The following NARF variants were observed in gnomAD, a reference collection of about 807,000 sequenced individuals.
NARF encodes the protein nuclear prelamin A recognition factor.
NARF carries 41 observed loss-of-function variants against 48.0 expected under a neutral mutation model. The ratio of observed to expected loss-of-function variants is 0.85; its 90% confidence interval spans 0.66 to 1.11. The LOEUF (loss-of-function observed/expected upper bound fraction) is 1.11. Ranked by LOEUF, NARF falls within the 50% of genes least tolerant of loss-of-function variation. The pLI, the probability that NARF is intolerant of heterozygous loss-of-function variation, is 0.00. For synonymous variants in NARF, 215 were observed against 225.5 expected (o/e 0.95, Z 0.42); for missense variants, 613 against 590.2 (o/e 1.04, Z -0.40).
chr17:82,464,952 G>C (rs912683225), intron 3 of NARF, among the ~76,000 whole-genome samples: 7 of 152,186 alleles, frequency 4.6e-5, no homozygotes, highest in African/African-American at 1.7e-4. Context: ...GGTTGTATTA[G>C]TCCATTCTCA....
chr17:82,484,609 G>A (rs911972571), intron 8 of NARF: 5 of 506,784 alleles, frequency 9.9e-6, no homozygotes, highest in East Asian at 7.1e-5. Context: ...AGAGTCCTCC[G>A]CCTTGCCCGA....
rs2143920929 is a variant in NARF at position 82,478,796 on chromosome 17, C to G, written c.521-4C>G. The G allele has an allele frequency of 6.2e-7, 1 of 1,612,778 alleles. No individual in the cohort carries two copies. The highest frequency in any genetic ancestry group is 1.7e-4 in the Middle Eastern group (1 of 6,050). On this transcript the variant is annotated splice_region_variant and splice_polypyrimidine_tract_variant and intron_variant, in intron 5 of 10. Transcript: ENST00000309794. ...AGCTGACCGTGGATCCCTTCTCTCC[C>G]CAGGCTGGGTCCGATACGCCGAGCG...
rs745440767 is a variant in NARF, at chr17:82,487,968, G to A, written c.1182G>A (p.Lys394=). 6.2e-7 allele frequency: 1 copy of A among 1,614,232 alleles called. No homozygotes were observed. The highest frequency in any genetic ancestry group is 1.1e-5 in the South Asian group (1 of 91,090). Residue 394 remains lysine (K), a synonymous_variant, in exon 11 of 11, where the codon AAG becomes AAA. Transcript: ENST00000309794. ...QAQTPDGHAD[K]ALLRQMEGIY... is the part of the protein sequence containing the mutation. Reference sequence around the variant, plus strand: ...AGACTCCAGACGGACATGCGGATAAGGCCCTGCTGCGGCAGATGGAAGGCA... The same window carrying A: ...AGACTCCAGACGGACATGCGGATAAAGCCCTGCTGCGGCAGATGGAAGGCA...
rs751649149 is a variant in NARF, at chr17:82,458,776, G to T, written c.-28G>T. The stretch of plus-strand genomic sequence containing the variant: ...CCCGGTGCTTCCCTGAGGCTGAGGC[G>T]CCCGGCCTCCCGCCCGCCGCGCTCC... On this transcript the variant is annotated 5_prime_UTR_variant, in exon 1 of 11. Transcript: ENST00000309794. The T allele has an allele frequency of 4.1e-6, 6 of 1,463,624 alleles. No homozygotes were observed. Among genetic ancestry groups the T allele is most frequent in the East Asian group, 2.8e-5 (1 of 36,162 alleles). 90.7% of individuals were successfully genotyped at this position (1,463,624 alleles called of 1,614,324 possible). A position where few individuals can be genotyped will look rare whatever the true frequency, so the allele number is the denominator to read the frequency against.
intron 1 of NARF, chr17:82,459,287 A>C: frequency 1.3e-5 from 8 of 615,470 alleles, no homozygotes; most frequent in Non-Finnish European, 1.6e-5. Flanking sequence ...CATGGCAACA[A>C]CCGCGCAGCG....
Position 82,472,614 on chromosome 17 carries a change from G to T in NARF, c.436G>T (p.Glu146Ter). The T allele has an allele frequency of 6.2e-7, 1 of 1,613,806 alleles. No homozygotes were observed. Among genetic ancestry groups the T allele is most frequent in the Non-Finnish European group, 8.5e-7 (1 of 1,179,892 alleles). ...TTIAADFSILESQKEFVRRYR... is the reference protein window; with the variant it reads ...TTIAADFSIL ...GATAGCTGCGGATTTTAGTATCCTG[G>T]AGAGTCAAAAAGAATTCGTGCGTCG... The change falls in exon 5 of 11, where the codon GAG (glutamate) becomes TAG (stop). Residue 146 changes from glutamate to a stop codon, truncating the protein, a stop_gained. Coordinates refer to ENST00000309794, the MANE Select transcript of NARF (RefSeq NM_012336.4). LOFTEE classifies it high-confidence loss of function.
At chr17:82,475,471 C>T (rs904088982) in intron 5 of NARF, among the ~76,000 whole-genome samples, 1 of 152,074 alleles carries the variant, frequency 6.6e-6, no homozygotes, top group South Asian at 2.1e-4. Flanking sequence ...GTGGCGGGCA[C>T]CTGTAGTCCC....
In NARF at chr17:82,460,019, G is replaced by T; in HGVS notation, c.55G>T (p.Asp19Tyr). The T allele has an allele frequency of 6.2e-7, 1 of 1,613,728 alleles. No individual in the cohort carries two copies. The highest frequency in any genetic ancestry group is 1.1e-5 in the South Asian group (1 of 90,948). ...ATGTAGTAAGAAAACAAAAACTGAT[G>T]ACCAAGAGAATGTGTCAGCCGATGC... ...KECSKKTKTD[D>Y]QENVSADAPS... Residue 19 changes from aspartate (D) to tyrosine (Y), a missense_variant, in exon 2 of 11, where the codon GAC becomes TAC. By Grantham distance (160) the Asp-to-Tyr change is radical. Coordinates refer to ENST00000309794, the MANE Select transcript of NARF (RefSeq NM_012336.4).
intron 10 of NARF, among the ~76,000 whole-genome samples, chr17:82,487,290 C>A (rs1190435951): frequency 4.6e-5 from 7 of 151,942 alleles, no homozygotes; most frequent in African/African-American, 1.7e-4. Context: ...TTGAGACCAG[C>A]CTGGCCAACA....
rs1215130113 is a variant in NARF at position 82,487,537 on chromosome 17, A to G, written c.1130-379A>G. The stretch of plus-strand genomic sequence containing the variant: ...CACACGGGGCTGTGAGTCTGGGATC[A>G]GTGTCCCTGACAGCCTTGAGGAAGA... On this transcript the variant is annotated intron_variant, in intron 10 of 10. Coordinates refer to ENST00000309794, the MANE Select transcript of NARF (RefSeq NM_012336.4). 2.0e-5 allele frequency among the ~76,000 whole-genome samples: 3 copies of G among 151,428 alleles called. No individual in the cohort carries two copies. In the East Asian group the frequency reaches 5.8e-4, roughly 29 times the overall value.
chr17:82,487,799 A>G, intron 10 of NARF, 117 bp from the exon 11 acceptor site: 1 of 1,130,172 alleles, frequency 8.8e-7, no homozygotes, highest in South Asian at 1.5e-5. Flanking sequence ...AATCTCTACA[A>G]AAAATTTAAA....
chr17:82,481,011 GTTC>G (rs2043951534), intron 6 of NARF, 68 bp from the exon 7 acceptor site: 6 of 1,593,330 alleles, frequency 3.8e-6, no homozygotes, highest in Non-Finnish European at 5.1e-6. Context: ...CATCCCTCTT[GTTC>G]TGGGCACCAA....
chr17:82,473,036 G>A (rs1445431818), intron 5 of NARF, among the ~76,000 whole-genome samples: 2 of 151,920 alleles, frequency 1.3e-5, no homozygotes, highest in African/African-American at 2.4e-5. Flanking sequence ...CACCTCCCGG[G>A]TTCAAGCGAT....
chr17:82,458,933 C>G, intron 1 of NARF, 103 bp downstream of exon 1: 2 of 1,236,326 alleles, frequency 1.6e-6, no homozygotes, highest in African/African-American at 1.6e-5. Context: ...CGCTTCAGGG[C>G]TCTTCAAGGC....
chr17:82,473,714 C>G (rs1003018994), intron 5 of NARF, among the ~76,000 whole-genome samples: 1 of 151,990 alleles, frequency 6.6e-6, no homozygotes, highest in Non-Finnish European at 1.5e-5. Flanking sequence ...AGCGCCACCA[C>G]GCCTGGCTAA....
rs2044059764 is a variant in NARF at position 82,484,872 on chromosome 17, A to G, written c.893A>G (p.His298Arg). ...TRHDGASSDG[H>R]LAHIFRHAAK... ...CATGATGGAGCCAGCTCAGACGGGC[A>G]CCTGGCACACATCTTCAGACATGCG... Residue 298 changes from histidine to arginine, a missense_variant, in exon 9 of 11, where the codon CAC becomes CGC. Physicochemically the swap from His to Arg is conservative, Grantham distance 29. Coordinates refer to ENST00000309794, the MANE Select transcript of NARF (RefSeq NM_012336.4). The G allele has an allele frequency of 6.2e-7, 1 of 1,613,386 alleles. No homozygotes were observed. The highest frequency in any genetic ancestry group is 2.2e-5 in the East Asian group (1 of 44,820).
At chr17:82,466,622 T>A (rs967148609) in intron 3 of NARF, among the ~76,000 whole-genome samples, 1 of 152,062 alleles carries the variant, frequency 6.6e-6, no homozygotes, top group Non-Finnish European at 1.5e-5. Flanking sequence ...CCAGCTAATT[T>A]TTGCATTTTT....
Position 82,468,897 on chromosome 17 carries a change from G to T in NARF, c.385+1G>T. 1 of 1,612,788 alleles carries T rather than the reference G, an allele frequency of 6.2e-7. No homozygotes were observed. Among genetic ancestry groups the T allele is most frequent in the Non-Finnish European group, 8.5e-7 (1 of 1,179,604 alleles). On this transcript the variant is annotated splice_donor_variant, in intron 4 of 10. Coordinates refer to ENST00000309794, the MANE Select transcript of NARF (RefSeq NM_012336.4). LOFTEE classifies it high-confidence loss of function. ...CTCTGTGGTTTCCTCAAAAGTCTTG[G>T]TGAGTCATCTTTTGATAAATTGGGA...
intron 3 of NARF, chr17:82,468,486 C>T (rs1162271749): frequency 2.7e-6 from 1 of 373,738 alleles, no homozygotes; most frequent in Non-Finnish European, 4.9e-6. Flanking sequence ...TTTCAGCCTC[C>T]TGTGTAGCTG....
Sources: gnomAD v4.1 joint callset for allele counts (sites outside exome capture counted in the v4.1 genomes callset) on GRCh38, gnomAD v4.1.1 for gene constraint, MANE v1.5 for transcripts, NCBI Gene and HGNC (gene_info 2026-07-23, HGNC 2026-07-21) for gene names.